Variants in STK31 observed in about 807,000 individuals in gnomAD.
The protein encoded by STK31 is serine/threonine-protein kinase 31.
In STK31, 89 loss-of-function variants were observed where a neutral mutation model predicts 129.7. The observed-to-expected ratio is 0.69, with a 90% CI of 0.58 to 0.82. The LOEUF is 0.82. STK31 is among the 40% of genes least tolerant of loss of function. The probability of loss-of-function intolerance (pLI) is 0.00; values close to 1 mark genes in which losing one functional copy is unlikely to be tolerated. For missense variants in STK31, 1,187 were observed against 1,176.4 expected (o/e 1.01, Z -0.13); for synonymous variants, 448 against 395.3 (o/e 1.13, Z -1.58).
chr7:23,793,488 A>G (rs1433739512), intron 22 of STK31, among the ~76,000 whole-genome samples: 1 of 152,348 alleles, frequency 6.6e-6, no homozygotes, highest in South Asian at 2.1e-4. Flanking sequence ...TGCAAAACAT[A>G]TATCTGACAA....
chr7:23,781,678 A>G (rs961811912), intron 16 of STK31, among the ~76,000 whole-genome samples, 158 bp downstream of exon 16: 5 of 152,208 alleles, frequency 3.3e-5, no homozygotes, highest in Non-Finnish European at 5.9e-5. Context: ...AAATTTAGAA[A>G]TAAATTTCAC....
chr7:23,739,124 C>T lies in STK31; in HGVS notation c.1017+2046C>T, dbSNP rs192198974. ...TAGAAGTGTTCCTATTTCTCCACATCGTCTCCAGCATCTGTTGTTTCCTGA... is the reference window on the plus strand; with the variant it reads ...TAGAAGTGTTCCTATTTCTCCACATTGTCTCCAGCATCTGTTGTTTCCTGA... On this transcript the variant is annotated intron_variant, in intron 8 of 23. Coordinates refer to ENST00000355870, the MANE Select transcript of STK31 (RefSeq NM_031414.5). Among the ~76,000 whole-genome samples the T allele has an allele frequency of 1.3e-3, 195 of 152,290 alleles. 1 individual carries two copies. Among genetic ancestry groups the T allele is most frequent in the Non-Finnish European group, 2.3e-3 (154 of 68,016 alleles).
At chr7:23,814,164 T>TTTTTTTTC (rs1793329403) in intron 22 of STK31, among the ~76,000 whole-genome samples, 1 of 146,920 alleles carries the variant, frequency 6.8e-6, no homozygotes, top group Non-Finnish European at 1.5e-5. Context: ...TTTTTTTTTT[T>TTTTTTTTC]CAGTTGGGAG....
At chr7:23,712,900 C>T (rs963927873) in intron 3 of STK31, among the ~76,000 whole-genome samples, 2 of 152,034 alleles carry the variant, frequency 1.3e-5, no homozygotes, top group African/African-American at 4.8e-5. Context: ...ATACATGATA[C>T]GGAAGGGAAA....
At chr7:23,805,151 C>T (rs900461473) in intron 22 of STK31, among the ~76,000 whole-genome samples, 1 of 151,630 alleles carries the variant, frequency 6.6e-6, no homozygotes, top group African/African-American at 2.4e-5. Flanking sequence ...TCTCGGCTCA[C>T]TGCAACCTCT....
At chr7:23,717,712 T>C (rs758350725) in intron 4 of STK31, 133 bp downstream of exon 4, 3 of 641,524 alleles carry the variant, frequency 4.7e-6, no homozygotes, top group Non-Finnish European at 8.2e-6. Flanking sequence ...TAAACTACTG[T>C]TATGGTATAT....
chr7:23,784,811 T>G (rs1349223153), intron 17 of STK31, among the ~76,000 whole-genome samples: 1 of 152,166 alleles, frequency 6.6e-6, no homozygotes, highest in Non-Finnish European at 1.5e-5. Context: ...TTTTAAAAAG[T>G]AGCAGAAATA....
intron 10 of STK31, 138 bp from the exon 11 acceptor site, chr7:23,762,663 C>T (rs916340948): frequency 2.2e-6 from 2 of 921,746 alleles, no homozygotes; most frequent in Non-Finnish European, 3.1e-6. Context: ...TTTTGTTGAT[C>T]TAAGGAGAGA....
chr7:23,742,773 C>T (rs768440743), intron 8 of STK31, among the ~76,000 whole-genome samples: 1 of 152,020 alleles, frequency 6.6e-6, no homozygotes, highest in African/African-American at 2.4e-5. Flanking sequence ...CAAAATGTGT[C>T]TACTTAACTA....
intron 1 of STK31, chr7:23,710,542 C>T (rs2128056991): frequency 7.0e-7 from 1 of 1,422,952 alleles, no homozygotes; most frequent in South Asian, 1.5e-5. Flanking sequence ...AAAAGACCTC[C>T]GGCCTGAATG....
chr7:23,770,351 T>C (rs1790104970), intron 13 of STK31, among the ~76,000 whole-genome samples: 1 of 152,206 alleles, frequency 6.6e-6, no homozygotes, highest in African/African-American at 2.4e-5. Context: ...TTTTTTTTAC[T>C]TTTTATAATT....
intron 6 of STK31, among the ~76,000 whole-genome samples, chr7:23,733,165 C>T (rs1017106588): frequency 6.6e-6 from 1 of 151,466 alleles, no homozygotes; most frequent in Non-Finnish European, 1.5e-5. Flanking sequence ...TTTTTGTTAA[C>T]CTAAAGTATT....
intron 12 of STK31, among the ~76,000 whole-genome samples, chr7:23,769,412 C>T (rs924417421): frequency 1.2e-4 from 19 of 152,008 alleles, no homozygotes; most frequent in Non-Finnish European, 2.4e-4. Flanking sequence ...TAAGGATTGT[C>T]CTCTTTCCTC....
chr7:23,729,700 G>A (rs1319657271), intron 6 of STK31, among the ~76,000 whole-genome samples: 2 of 145,982 alleles, frequency 1.4e-5, no homozygotes, highest in African/African-American at 5.5e-5. Flanking sequence ...GGTAGAGTTG[G>A]GGTTTTACCA....
chr7:23,770,993 G>A lies in STK31; in HGVS notation c.1714-12G>A, dbSNP rs1255752803. Reference sequence around the variant, plus strand: ...CCTTTGTGTATAATTCTATGTGTGTGATTTCATTTAGGATCAAGGTGATGC... The same window carrying A: ...CCTTTGTGTATAATTCTATGTGTGTAATTTCATTTAGGATCAAGGTGATGC... On this transcript the variant is annotated splice_polypyrimidine_tract_variant and intron_variant, in intron 13 of 23. Coordinates refer to ENST00000355870, the MANE Select transcript of STK31 (RefSeq NM_031414.5). 2 of 1,604,794 alleles carry A rather than the reference G, an allele frequency of 1.2e-6. No individual in the cohort carries two copies. Among genetic ancestry groups the A allele is most frequent in the Non-Finnish European group, 1.7e-6 (2 of 1,176,322 alleles).
intron 23 of STK31, among the ~76,000 whole-genome samples, chr7:23,824,506 G>A (rs1485730841): frequency 2.6e-5 from 4 of 152,232 alleles, no homozygotes; most frequent in Admixed American, 6.6e-5. Flanking sequence ...GGGCTGAGAT[G>A]ATGGGGTTTT....
intron 22 of STK31, among the ~76,000 whole-genome samples, chr7:23,802,632 G>A (rs1291040355): frequency 6.6e-6 from 1 of 152,150 alleles, no homozygotes; most frequent in African/African-American, 2.4e-5. Context: ...TTGTGCCTCA[G>A]CCTCCCGAGG....
At chr7:23,747,412 C>T (rs1013257728) in intron 8 of STK31, among the ~76,000 whole-genome samples, 1 of 151,638 alleles carries the variant, frequency 6.6e-6, no homozygotes, top group Admixed American at 6.6e-5. Flanking sequence ...CTCTGTTGCC[C>T]AGGCTGGAGT....
At chr7:23,828,218 T>TA (rs1479411712) in intron 23 of STK31, among the ~76,000 whole-genome samples, 1,696 of 152,310 alleles carry the variant, frequency 0.011, 29 homozygotes, top group African/African-American at 0.037. Context: ...CAGGGAGGCC[T>TA]CTTTGAGCTG....
Sources: gnomAD v4.1 joint callset for allele counts (sites outside exome capture counted in the v4.1 genomes callset) on GRCh38, gnomAD v4.1.1 for gene constraint, MANE v1.5 for transcripts, NCBI Gene and HGNC (gene_info 2026-07-23, HGNC 2026-07-21) for gene names.